The following PI4KB variants were observed in gnomAD, a reference collection of about 807,000 sequenced individuals.
PI4KB encodes PtdIns 4-kinase beta.
In PI4KB, 23 loss-of-function variants were observed where a neutral mutation model predicts 81.4. The ratio of observed to expected loss-of-function variants is 0.28; its 90% CI spans 0.20 to 0.40. The LOEUF is 0.40. Among genes scored for constraint, PI4KB ranks in the 10% least tolerant of loss-of-function variants. The pLI, the probability that PI4KB is intolerant of heterozygous loss-of-function variation, is 1.00. For synonymous variants in PI4KB, 381 were observed against 406.8 expected, an observed-to-expected ratio of 0.94 and a Z score of 0.76; for missense variants, 651 against 1,036.6, an observed-to-expected ratio of 0.63 and a Z score of 5.11.
intron 9 of PI4KB, among the ~76,000 whole-genome samples, chr1:151,297,347 A>ATTTT (rs1234220289): frequency 7.5e-6 from 1 of 133,376 alleles, no homozygotes; most frequent in Admixed American, 7.7e-5. Context: ...TGTTGGCTAG[A>ATTTT]TTTTTTTTTT....
intron 9 of PI4KB, among the ~76,000 whole-genome samples, chr1:151,298,024 G>A (rs1468858174): frequency 6.6e-6 from 1 of 152,136 alleles, no homozygotes; most frequent in Non-Finnish European, 1.5e-5. Context: ...GGGCCTAGAT[G>A]GTGTAATTAT....
chr1:151,311,728 AC>A (rs1222683237), intron 2 of PI4KB, among the ~76,000 whole-genome samples: 1 of 152,140 alleles, frequency 6.6e-6, no homozygotes, highest in Non-Finnish European at 1.5e-5. Flanking sequence ...GTATATCATG[AC>A]CTGCTCCTCT....
chr1:151,310,289 GGGGGT>G, intron 2 of PI4KB, 34 bp from the exon 3 acceptor site: 1 of 1,379,514 alleles, frequency 7.2e-7, no homozygotes, highest in Non-Finnish European at 1.0e-6. Flanking sequence ...GGGAGAAGGA[GGGGGT>G]GGGAAGGGAG....
In PI4KB at chr1:151,298,632, T is replaced by C. The variant is rs1386795632; in HGVS notation, c.2015+176A>G. On this transcript the variant is annotated intron_variant, in intron 9 of 11. Coordinates refer to ENST00000368873, the MANE Select transcript of PI4KB (RefSeq NM_001369623.2). ...TTCTTTGCCCTTTTACCCTAGTTCT[T>C]ATTAGTCTGCCTCCTGACTTAATGT... is the stretch of plus-strand genomic sequence containing the variant. 3.6e-5 allele frequency: 26 copies of C among 731,558 alleles called. No individual in the cohort carries two copies. In the East Asian group the frequency reaches 6.2e-4, roughly 17 times the overall value. The allele number at this position is 731,558 out of a possible 1,614,324, so 45.3% of individuals were successfully genotyped here. A position where few individuals can be genotyped will look rare whatever the true frequency, so the allele number is the denominator to read the frequency against.
chr1:151,301,436 C>T (rs1287169454), intron 8 of PI4KB, among the ~76,000 whole-genome samples: 6 of 151,746 alleles, frequency 4.0e-5, no homozygotes, highest in African/African-American at 7.3e-5. Context: ...CTCGTTCTGT[C>T]GCCCAGGCTG....
At position 151,293,115 on chromosome 1, in the gene PI4KB, C is replaced by T. The variant is rs1301903410; in HGVS notation, c.2270-82G>A. The stretch of plus-strand genomic sequence containing the variant: ...AGCCATAGCAAATACAGAGCTGGGG[C>T]ATCTGAAGTGCCCTTTTCCTCCCAC... On this transcript the variant is annotated intron_variant, in intron 11 of 11. Coordinates refer to ENST00000368873, the MANE Select transcript of PI4KB (RefSeq NM_001369623.2). 9 of 1,554,360 alleles carry T rather than the reference C, an allele frequency of 5.8e-6. No individual in the cohort carries two copies. The African/African-American group carries it at 1.1e-4, about 19-fold the overall frequency.
intron 3 of PI4KB, among the ~76,000 whole-genome samples, chr1:151,308,349 G>T (rs912486471): frequency 6.6e-6 from 1 of 152,200 alleles, no homozygotes; most frequent in African/African-American, 2.4e-5. Flanking sequence ...TGATTTCCAT[G>T]GTATCCCCCT....
intron 2 of PI4KB, 70 bp from the exon 3 acceptor site, chr1:151,310,325 G>GA: frequency 1.0e-6 from 1 of 1,004,524 alleles, no homozygotes; most frequent in Non-Finnish European, 1.5e-6. Flanking sequence ...CAAAGGTAAA[G>GA]AATTTAGCTC....
At chr1:151,293,101 A>C (rs1341007408) in intron 11 of PI4KB, 68 bp from the exon 12 acceptor site, 1 of 1,581,136 alleles carries the variant, frequency 6.3e-7, no homozygotes, top group East Asian at 2.2e-5. Flanking sequence ...GCCATAGCAA[A>C]TACAGAGCTG....
chr1:151,324,709 G>A, intron 1 of PI4KB: 1 of 976,658 alleles, frequency 1.0e-6, no homozygotes, highest in Non-Finnish European at 1.2e-6. Flanking sequence ...AGCCGCTACT[G>A]AAACAGATGG....
At chr1:151,318,709 C>G (rs1001001565) in intron 1 of PI4KB, among the ~76,000 whole-genome samples, 11 of 111,554 alleles carry the variant, frequency 9.9e-5, no homozygotes, top group South Asian at 2.9e-4. Context: ...GAAACTCTGT[C>G]TCAAATAAAT....
chr1:151,316,102 T>G lies in PI4KB; in HGVS notation c.380A>C (p.Gln127Pro). The G allele has an allele frequency of 6.2e-7, 1 of 1,614,108 alleles. No homozygotes were observed. Among genetic ancestry groups the G allele is most frequent in the South Asian group, 1.1e-5 (1 of 91,086 alleles). The change falls in exon 2 of 12, where the codon CAG becomes CCG. Residue 127 changes from glutamine (Q) to proline (P), a missense_variant. Around this residue, in one of 5 missense-constraint regions of PI4KB, gnomAD observed 314 missense variants for 397.8 expected, o/e 0.79. Transcript: ENST00000368873. ...RRRRQNNSAKQSWLLRLFESK... is the reference protein window; with the variant it reads ...RRRRQNNSAKPSWLLRLFESK... ...CTCAAACAGCCTCAGCAGCCAAGACTGTTTAGCTGAGTTGTTCTGCCGCCG... is the reference window on the plus strand; with the variant it reads ...CTCAAACAGCCTCAGCAGCCAAGACGGTTTAGCTGAGTTGTTCTGCCGCCG...
intron 8 of PI4KB, 66 bp from the exon 9 acceptor site, chr1:151,299,139 T>C (rs1695040716): frequency 7.1e-7 from 1 of 1,405,950 alleles, no homozygotes; most frequent in Non-Finnish European, 1.0e-6. Flanking sequence ...AGGCTAAAAC[T>C]CTTCCCTTTC....
chr1:151,323,870 A>C (rs1412210984), intron 1 of PI4KB, among the ~76,000 whole-genome samples: 1 of 151,964 alleles, frequency 6.6e-6, no homozygotes, highest in Non-Finnish European at 1.5e-5. Context: ...GTAGGGATGA[A>C]CGGAAACAGG....
chr1:151,321,937 G>A (rs1648905864), intron 1 of PI4KB, among the ~76,000 whole-genome samples: 1 of 150,150 alleles, frequency 6.7e-6, no homozygotes, highest in East Asian at 2.0e-4. Context: ...GGACTGGAAA[G>A]CAAAAGAAAA....
chr1:151,293,125 G>A, intron 11 of PI4KB, 92 bp from the exon 12 acceptor site: 1 of 1,542,584 alleles, frequency 6.5e-7, no homozygotes, highest in Non-Finnish European at 8.7e-7. Context: ...CATCTGAAGT[G>A]CCCTTTTCCT....
intron 3 of PI4KB, 122 bp from the exon 4 acceptor site, chr1:151,307,923 GC>G (rs1695922317): frequency 1.4e-6 from 1 of 712,896 alleles, no homozygotes; most frequent in Non-Finnish European, 2.4e-6. Context: ...CTCCAGGAAA[GC>G]AGCTGCTTTT....
intron 5 of PI4KB, among the ~76,000 whole-genome samples, chr1:151,305,771 T>C (rs1695706891): frequency 1.3e-5 from 2 of 152,210 alleles, no homozygotes; most frequent in East Asian, 1.9e-4. Context: ...GTCTGGCACA[T>C]AGAAGGCCCT....
Position 151,324,702 on chromosome 1 carries a change from C to T in PI4KB, c.-29+2569G>A, listed in dbSNP as rs540691257. The T allele has an allele frequency of 2.1e-3, 2,030 of 955,178 alleles. 5 individuals carry two copies. The highest frequency in any genetic ancestry group is 3.6e-3 in the Admixed American group (59 of 16,240). The allele number at this position is 955,178 out of a possible 1,614,324, so 59.2% of individuals were successfully genotyped here. ...GACAGCCCAAGCCAGCTATGGGAGCCGCTACTGAAACAGATGGCAAAGAAA... is the reference window on the plus strand; with the variant it reads ...GACAGCCCAAGCCAGCTATGGGAGCTGCTACTGAAACAGATGGCAAAGAAA... On this transcript the variant is annotated intron_variant, in intron 1 of 11. Transcript: ENST00000368873.
Sources: gnomAD v4.1 joint callset for allele counts (sites outside exome capture counted in the v4.1 genomes callset) on GRCh38, gnomAD v4.1.1 for gene constraint, gnomAD v4.1.1 regional missense constraint, MANE v1.5 for transcripts, NCBI Gene and HGNC (gene_info 2026-07-23, HGNC 2026-07-21) for gene names.